Variants in HMCES observed in about 807,000 individuals in gnomAD.
The protein encoded by HMCES is abasic site processing protein HMCES.
Under a neutral mutation model 35.1 loss-of-function variants are expected in HMCES, and 27 were observed. The ratio of observed to expected loss-of-function variants is 0.77; its 90% CI spans 0.57 to 1.06. The LOEUF is 1.06. HMCES is among the 50% of genes least tolerant of loss of function. The pLI is 0.00. For synonymous variants in HMCES, 130 were observed against 154.7 expected (o/e 0.84, Z 1.18); for missense variants, 391 against 430.4 (o/e 0.91, Z 0.81).
At position 129,279,412 on chromosome 3, in the gene HMCES, C is replaced by A. The variant is rs1053471907; in HGVS notation, c.-23-298C>A. On this transcript the variant is annotated intron_variant, in intron 1 of 6. Transcript: ENST00000383463. The surrounding 1 kb of genome is among the most constrained non-coding windows in gnomAD (Gnocchi z 4.2). Reference sequence around the variant, plus strand: ...AGGCGACCCCAGCTAGCTGCGCTTGCCCTGCTTCGCTGGACTGTGAAGCCC... The same window carrying A: ...AGGCGACCCCAGCTAGCTGCGCTTGACCTGCTTCGCTGGACTGTGAAGCCC... Among the ~76,000 whole-genome samples the A allele has an allele frequency of 6.6e-6, 1 of 152,208 alleles. No individual in the cohort carries two copies. The highest frequency in any genetic ancestry group is 1.5e-5 in the Non-Finnish European group (1 of 68,038).
At chr3:129,304,142 G>A (rs1275158197) in intron 6 of HMCES, among the ~76,000 whole-genome samples, 1 of 152,180 alleles carries the variant, frequency 6.6e-6, no homozygotes, top group African/African-American at 2.4e-5. Context: ...TGATGTAAAG[G>A]AAGCAGAAGG....
chr3:129,290,003 C>T (rs1456683264), intron 3 of HMCES, among the ~76,000 whole-genome samples: 2 of 151,668 alleles, frequency 1.3e-5, no homozygotes, highest in South Asian at 2.1e-4. Flanking sequence ...CTGGCTAACA[C>T]GGTGAAACCC....
chr3:129,296,760 GTTTTGTTTTTGT>G (rs900822017), intron 4 of HMCES, among the ~76,000 whole-genome samples: 3 of 152,024 alleles, frequency 2.0e-5, no homozygotes, highest in African/African-American at 7.2e-5. Flanking sequence ...CAGTGCCTTT[GTTTTGTTTTTGT>G]TTTTGTTTTT....
At chr3:129,283,852 A>T (rs1940563689) in intron 2 of HMCES, among the ~76,000 whole-genome samples, 1 of 152,146 alleles carries the variant, frequency 6.6e-6, no homozygotes, top group Non-Finnish European at 1.5e-5. Flanking sequence ...ATCAACCTTG[A>T]GCTCAAGGGA....
rs114999931 is a variant in HMCES, at chr3:129,302,010, C to T, written c.696C>T (p.Val232=). The change falls in exon 6 of 7, where the codon GTC becomes GTT. Residue 232 remains valine (V), a synonymous_variant. Coordinates refer to ENST00000383463, the MANE Select transcript of HMCES (RefSeq NM_020187.3). The part of the protein sequence containing the change: ...AVSKWLDFGE[V]STQEALKLIH... ...CTAAATGGCTTGACTTTGGTGAAGT[C>T]TCAACTCAGGAAGCTCTGAAATTAA... 2,614 of 1,614,178 alleles carry T rather than the reference C, an allele frequency of 1.6e-3. 36 individuals are homozygous for T. The African/African-American group carries it at 0.031, about 19-fold the overall frequency.
At chr3:129,294,771 C>T (rs181817927) in intron 4 of HMCES, among the ~76,000 whole-genome samples, 1 of 152,182 alleles carries the variant, frequency 6.6e-6, no homozygotes, top group East Asian at 1.9e-4. Flanking sequence ...GCCCTTCTGC[C>T]TGAAGGACTT....
chr3:129,284,013 A>G (rs764611872), intron 2 of HMCES, among the ~76,000 whole-genome samples: 20 of 152,224 alleles, frequency 1.3e-4, no homozygotes, highest in Non-Finnish European at 2.5e-4. Flanking sequence ...CATTATTCTT[A>G]GATTCCATAT....
chr3:129,280,424 G>C (rs2107683582), intron 2 of HMCES, among the ~76,000 whole-genome samples: 1 of 152,244 alleles, frequency 6.6e-6, no homozygotes, highest in South Asian at 2.1e-4. Context: ...TTGAGCTGGG[G>C]AGGTCGAGGC....
chr3:129,303,705 G>A (rs771656920), intron 6 of HMCES, among the ~76,000 whole-genome samples: 21 of 151,800 alleles, frequency 1.4e-4, no homozygotes, highest in South Asian at 8.3e-4. Context: ...ATTCATTTTG[G>A]ACTAGACGCT....
At chr3:129,283,688 G>A (rs1399160546) in intron 2 of HMCES, among the ~76,000 whole-genome samples, 1 of 152,110 alleles carries the variant, frequency 6.6e-6, no homozygotes, top group East Asian at 1.9e-4. Context: ...AAATTAGTCG[G>A]GTGTGGTGGT....
At position 129,302,012 on chromosome 3, in the gene HMCES, C is replaced by T. The variant is rs1397631849; in HGVS notation, c.698C>T (p.Ser233Leu). 2 of 1,614,160 alleles carry T rather than the reference C, an allele frequency of 1.2e-6. No individual in the cohort carries two copies. Among genetic ancestry groups the T allele is most frequent in the Admixed American group, 3.3e-5 (2 of 60,016 alleles). The change falls in exon 6 of 7, where the codon TCA becomes TTA. Residue 233 changes from serine (S) to leucine (L), a missense_variant. Physicochemically the swap from Ser to Leu is moderately radical, Grantham distance 145. Coordinates refer to ENST00000383463, the MANE Select transcript of HMCES (RefSeq NM_020187.3). ...AAATGGCTTGACTTTGGTGAAGTCT[C>T]AACTCAGGAAGCTCTGAAATTAATC... is the stretch of plus-strand genomic sequence containing the variant. ...VSKWLDFGEV[S>L]TQEALKLIHP...
intron 2 of HMCES, among the ~76,000 whole-genome samples, chr3:129,287,788 A>G (rs1366739361): frequency 3.3e-5 from 5 of 152,142 alleles, no homozygotes; most frequent in Non-Finnish European, 7.4e-5. Context: ...GGCCAGGCAC[A>G]GGGGCTCATG....
intron 5 of HMCES, among the ~76,000 whole-genome samples, chr3:129,299,018 G>A (rs986862418): frequency 3.3e-5 from 5 of 152,086 alleles, no homozygotes; most frequent in African/African-American, 1.2e-4. Context: ...CATGGTGGCG[G>A]GCTCCTGTAG....
chr3:129,287,263 T>G (rs929284720), intron 2 of HMCES, among the ~76,000 whole-genome samples: 1 of 151,940 alleles, frequency 6.6e-6, no homozygotes, highest in African/African-American at 2.4e-5. Flanking sequence ...TGCTCCGTGG[T>G]CCAGGTTGGA....
intron 2 of HMCES, among the ~76,000 whole-genome samples, chr3:129,280,472 G>T (rs1489403246): frequency 6.6e-6 from 1 of 151,892 alleles, no homozygotes; most frequent in Non-Finnish European, 1.5e-5. Context: ...CTCCCACCTG[G>T]GTGACAGATC....
chr3:129,300,131 AG>A (rs2071144765), intron 5 of HMCES, among the ~76,000 whole-genome samples: 1 of 150,394 alleles, frequency 6.6e-6, no homozygotes, highest in African/African-American at 2.4e-5. Flanking sequence ...TGAGCCAGGA[AG>A]CTTAGACATG....
chr3:129,302,811 C>T (rs2071185765), intron 6 of HMCES, among the ~76,000 whole-genome samples: 1 of 151,630 alleles, frequency 6.6e-6, no homozygotes, highest in South Asian at 2.1e-4. Flanking sequence ...TGAGGAGTTC[C>T]AGACCTGCCT....
chr3:129,287,826 G>A (rs994403454), intron 2 of HMCES, among the ~76,000 whole-genome samples: 3 of 152,162 alleles, frequency 2.0e-5, no homozygotes, highest in Non-Finnish European at 4.4e-5. Flanking sequence ...TTGGGAGGCT[G>A]AGGCGGGTGG....
chr3:129,280,034 T>G, intron 2 of HMCES, 119 bp downstream of exon 2: 1 of 825,010 alleles, frequency 1.2e-6, no homozygotes, highest in Non-Finnish European at 1.8e-6. Context: ...TACTGATATA[T>G]TCTGACTTCC....
Sources: gnomAD v4.1 joint callset for allele counts (sites outside exome capture counted in the v4.1 genomes callset) on GRCh38, gnomAD v4.1.1 for gene constraint, Gnocchi (gnomAD v3.1) non-coding constraint, MANE v1.5 for transcripts, NCBI Gene and HGNC (gene_info 2026-07-23, HGNC 2026-07-21) for gene names.